The following GALNT13 variants were observed in gnomAD, a reference collection of about 807,000 sequenced individuals.
GALNT13 encodes the protein UDP-GalNAc:polypeptide N-acetylgalactosaminyltransferase 13.
Under a neutral mutation model 64.2 loss-of-function variants are expected in GALNT13, and 28 were observed. That is an observed-to-expected ratio of 0.44 (90% CI 0.32 to 0.60). The LOEUF (loss-of-function observed/expected upper bound fraction) is 0.60. GALNT13 is among the 20% of genes least tolerant of loss of function. GALNT13 has a pLI of 0.05. For synonymous variants in GALNT13, 214 were observed against 224.6 expected (o/e 0.95, Z 0.42); for missense variants, 577 against 669.8 (o/e 0.86, Z 1.53).
the GALNT13 span, among the ~76,000 whole-genome samples, chr2:153,241,604 G>A: frequency 3.9e-3 from 600 of 151,980 alleles, 4 homozygotes; most frequent in Middle Eastern, 0.017. Flanking sequence ...CCAGAAACCT[G>A]GTATACCAGC....
chr2:153,966,558 C>T (rs1006508232), intron 3 of GALNT13, among the ~76,000 whole-genome samples: 7 of 151,952 alleles, frequency 4.6e-5, no homozygotes, highest in Admixed American at 2.0e-4. Context: ...TTAGTAGACA[C>T]GGGGTCTCAC....
the GALNT13 span, among the ~76,000 whole-genome samples, chr2:153,846,260 G>A: frequency 3.9e-5 from 6 of 152,088 alleles, no homozygotes; most frequent in Non-Finnish European, 8.8e-5. Flanking sequence ...TGTTTCTGGT[G>A]TTTAAATATA....
intron 1 of GALNT13, among the ~76,000 whole-genome samples, chr2:153,872,820 G>GGTGTCTTCCTCGACGGT (rs1422149025): frequency 6.6e-6 from 1 of 152,110 alleles, no homozygotes; most frequent in African/African-American, 2.4e-5. Flanking sequence ...CCTTCGTATA[G>GGTGTCTTCCTCGACGGT]TGCCCCCTTT....
At chr2:153,189,318 G>T in the GALNT13 span, among the ~76,000 whole-genome samples, 1 of 152,040 alleles carries the variant, frequency 6.6e-6, no homozygotes, top group African/African-American at 2.4e-5. Flanking sequence ...ATGAGTACAT[G>T]CAATATTTGT....
chr2:153,404,416 G>A, the GALNT13 span, among the ~76,000 whole-genome samples: 28 of 152,228 alleles, frequency 1.8e-4, no homozygotes, highest in South Asian at 5.6e-3. Context: ...CTTTTATTAT[G>A]TGACAAGTGG....
chr2:153,621,747 G>C, the GALNT13 span, among the ~76,000 whole-genome samples: 1 of 152,068 alleles, frequency 6.6e-6, no homozygotes, highest in Non-Finnish European at 1.5e-5. Context: ...GCCACAGAGA[G>C]TACTGCCAGA....
At chr2:153,304,941 G>T in the GALNT13 span, among the ~76,000 whole-genome samples, 4 of 152,128 alleles carry the variant, frequency 2.6e-5, no homozygotes, top group Admixed American at 2.0e-4. Context: ...GTTAGCTGAG[G>T]GTTAAGGGGT....
At chr2:154,223,750 T>C (rs2105827696) in intron 4 of GALNT13, among the ~76,000 whole-genome samples, 1 of 152,262 alleles carries the variant, frequency 6.6e-6, no homozygotes, top group South Asian at 2.1e-4. Flanking sequence ...CACCTGGGAT[T>C]TTCATTCTTC....
At chr2:154,387,171 G>A (rs1698553325) in intron 9 of GALNT13, among the ~76,000 whole-genome samples, 2 of 152,038 alleles carry the variant, frequency 1.3e-5, no homozygotes, top group South Asian at 4.1e-4. Flanking sequence ...TAATTTGTAT[G>A]GACATAGGGA....
intron 3 of GALNT13, among the ~76,000 whole-genome samples, chr2:154,032,808 G>T (rs568516394): frequency 1.3e-5 from 2 of 148,566 alleles, no homozygotes; most frequent in South Asian, 4.3e-4. Flanking sequence ...TTTATTAGTG[G>T]AAAGCTCAGT....
chr2:153,550,416 A>G, the GALNT13 span, among the ~76,000 whole-genome samples: 1 of 151,658 alleles, frequency 6.6e-6, no homozygotes, highest in Non-Finnish European at 1.5e-5. Context: ...TTTTTTAAGT[A>G]GAGATGAGGT....
At chr2:154,228,267 C>A (rs1688734753) in intron 4 of GALNT13, among the ~76,000 whole-genome samples, 1 of 151,440 alleles carries the variant, frequency 6.6e-6, no homozygotes, top group African/African-American at 2.4e-5. Flanking sequence ...TTTTTTTTTC[C>A]CCCTAAATGG....
chr2:154,153,883 C>T (rs1376898203), intron 4 of GALNT13, among the ~76,000 whole-genome samples: 2 of 152,226 alleles, frequency 1.3e-5, no homozygotes, highest in South Asian at 2.1e-4. Context: ...CTTGCGCTTC[C>T]CGAGTGAGGC....
chr2:153,314,639 T>A, the GALNT13 span, among the ~76,000 whole-genome samples: 16,559 of 151,950 alleles, frequency 0.11, 1,099 homozygotes, highest in East Asian at 0.19. Context: ...AGGAAATTTT[T>A]AAAATTCAAA....
At chr2:153,985,134 A>G (rs549377142) in intron 3 of GALNT13, among the ~76,000 whole-genome samples, 1 of 152,182 alleles carries the variant, frequency 6.6e-6, no homozygotes, top group East Asian at 1.9e-4. Context: ...TTCTGTAAGT[A>G]CCAACTATTA....
At chr2:154,256,709 G>A (rs1553504022) in intron 7 of GALNT13, among the ~76,000 whole-genome samples, 2 of 152,118 alleles carry the variant, frequency 1.3e-5, no homozygotes, top group African/African-American at 2.4e-5. Flanking sequence ...TGTGTTAAGT[G>A]CTTTACTTCT....
At chr2:153,441,168 C>A in the GALNT13 span, among the ~76,000 whole-genome samples, 1 of 152,184 alleles carries the variant, frequency 6.6e-6, no homozygotes, top group African/African-American at 2.4e-5. Context: ...CTGCATATGG[C>A]TGGCCAGTTT....
chr2:153,832,095 T>A, the GALNT13 span, among the ~76,000 whole-genome samples: 1 of 152,148 alleles, frequency 6.6e-6, no homozygotes, highest in Non-Finnish European at 1.5e-5. Flanking sequence ...TGGAGATGTT[T>A]GTAGCTATGT....
Position 154,137,302 on chromosome 2 carries a change from A to AACACACACAC in GALNT13, c.143-3019_143-3010dup, listed in dbSNP as rs112665813. Among the ~76,000 whole-genome samples the AACACACACAC allele has an allele frequency of 9.0e-3, 1,348 of 148,984 alleles. 16 individuals carry two copies. The highest frequency in any genetic ancestry group is 0.022 in the African/African-American group (900 of 40,780). ...AATAGGCCTGCTTATACACAGGCAAAACACACACACACACACACACACACA... is the reference window on the plus strand; with the variant it reads ...AATAGGCCTGCTTATACACAGGCAAAACACACACACACACACACACACACACACACACACA... On this transcript the variant is annotated intron_variant, in intron 3 of 12. Transcript: ENST00000392825.
Sources: allele counts gnomAD v4.1 joint callset (sites outside exome capture counted in the v4.1 genomes callset), GRCh38; gene constraint gnomAD v4.1.1; transcripts MANE v1.5; gene names NCBI Gene and HGNC (gene_info 2026-07-23, HGNC 2026-07-21).